NRXN3: variants seen among roughly 807,000 people sequenced by gnomAD.
NRXN3 encodes the protein neurexin III.
A neutral mutation model predicts 137.6 loss-of-function variants in NRXN3; 32 were observed. The ratio of observed to expected loss-of-function variants is 0.23; its 90% CI spans 0.18 to 0.31. NRXN3 has a LOEUF of 0.31. NRXN3 is among the 10% of genes least tolerant of loss of function. NRXN3 has a pLI of 1.00. For missense variants in NRXN3, 1,574 were observed against 2,062.5 expected, an observed-to-expected ratio of 0.76 and a Z score of 4.59; for synonymous variants, 798 against 784.5, an observed-to-expected ratio of 1.02 and a Z score of -0.29.
rs1015359416 is a variant in NRXN3, at chr14:78,826,632, A to G, written c.2275+16288A>G. ...TATTATCTGAATTTTACAGATAAAG[A>G]AACTACAATTACCAGAAACAAAGTT... On this transcript the variant is annotated intron_variant, in intron 10 of 20. Coordinates refer to ENST00000335750, the MANE Select transcript of NRXN3 (RefSeq NM_001330195.2). 4.6e-5 allele frequency among the ~76,000 whole-genome samples: 7 copies of G among 152,214 alleles called. 1 individual carries two copies. Among genetic ancestry groups the G allele is most frequent in the Non-Finnish European group, 1.5e-5 (1 of 68,032 alleles).
At chr14:78,305,770 T>G (rs192584570) in intron 4 of NRXN3, among the ~76,000 whole-genome samples, 9 of 152,324 alleles carry the variant, frequency 5.9e-5, no homozygotes, top group South Asian at 2.1e-4. Flanking sequence ...AGTATTACAT[T>G]TCCATCTCTT....
chr14:79,157,824 A>G (rs1423346438), intron 15 of NRXN3, among the ~76,000 whole-genome samples: 1 of 151,798 alleles, frequency 6.6e-6, no homozygotes, highest in African/African-American at 2.4e-5. Flanking sequence ...CTTATAACAA[A>G]AGACTTGAGA....
rs555268891 is a variant in NRXN3, at chr14:78,943,682, C to T, written c.2276-13560C>T. Among the ~76,000 whole-genome samples, 107 of 80,066 alleles carry T rather than the reference C, an allele frequency of 1.3e-3. 6 individuals are homozygous for T. Among genetic ancestry groups the T allele is most frequent in the African/African-American group, 4.1e-3 (98 of 23,696 alleles). 52.5% of individuals were successfully genotyped at this position (80,066 alleles called of 152,430 possible). On this transcript the variant is annotated intron_variant, in intron 10 of 20. Transcript: ENST00000335750. ...TATATATATATATATATATATATCT[C>T]AAAGAATCTAGAAAAAGGATAGGAA...
At chr14:79,428,943 T>C (rs2095700670) in intron 15 of NRXN3, among the ~76,000 whole-genome samples, 1 of 152,188 alleles carries the variant, frequency 6.6e-6, no homozygotes, top group Non-Finnish European at 1.5e-5. Flanking sequence ...AATTTTTACT[T>C]TTTATAGATT....
intron 15 of NRXN3, among the ~76,000 whole-genome samples, chr14:79,348,604 C>G (rs1231951393): frequency 6.6e-5 from 10 of 152,088 alleles, no homozygotes; most frequent in Admixed American, 6.5e-4. Context: ...GTCTGGATCT[C>G]CTGACCTCGT....
rs2099418498 is a variant in NRXN3, at chr14:79,867,439, C to G, written c.*5475C>G. ...TTCCTGGCTTGTAGATAATAAGCTA[C>G]CTTCTCACTATGTACTCACAGGGCC... is the stretch of plus-strand genomic sequence containing the variant. On this transcript the variant is annotated 3_prime_UTR_variant, in exon 21 of 21. Transcript: ENST00000335750. 1 of 152,224 alleles carries G rather than the reference C, an allele frequency of 6.6e-6. No individual in the cohort carries two copies. Among genetic ancestry groups the G allele is most frequent in the African/African-American group, 2.4e-5 (1 of 41,444 alleles). The allele number at this position is 152,224 out of a possible 1,614,324, so 9.4% of individuals were successfully genotyped here.
chr14:79,410,044 A>G (rs2095392066), intron 15 of NRXN3, among the ~76,000 whole-genome samples: 1 of 151,728 alleles, frequency 6.6e-6, no homozygotes, highest in Non-Finnish European at 1.5e-5. Context: ...GATTTCTCTC[A>G]GTTCTAGTTA....
chr14:78,746,009 T>G (rs1384776519), intron 8 of NRXN3, among the ~76,000 whole-genome samples: 3 of 152,230 alleles, frequency 2.0e-5, no homozygotes, highest in Non-Finnish European at 2.9e-5. Context: ...TTAACATGCA[T>G]AGTAAGAACT....
intron 19 of NRXN3, among the ~76,000 whole-genome samples, chr14:79,751,799 C>G (rs1048753343): frequency 6.6e-6 from 1 of 150,744 alleles, no homozygotes; most frequent in African/African-American, 2.4e-5. Context: ...TGAATTTTGT[C>G]AAAGGCCTTT....
intron 16 of NRXN3, among the ~76,000 whole-genome samples, chr14:79,548,687 G>A (rs1185300067): frequency 6.6e-6 from 1 of 150,744 alleles, no homozygotes; most frequent in Non-Finnish European, 1.5e-5. Context: ...GGCCTCTCAA[G>A]GCATCAACAT....
chr14:78,678,604 C>T (rs2098036841), intron 6 of NRXN3, among the ~76,000 whole-genome samples: 1 of 152,182 alleles, frequency 6.6e-6, no homozygotes, highest in South Asian at 2.1e-4. Context: ...ACACTCCCAC[C>T]AGCAGAATAT....
intron 16 of NRXN3, among the ~76,000 whole-genome samples, chr14:79,481,192 T>A (rs928069682): frequency 3.3e-5 from 5 of 152,146 alleles, no homozygotes; most frequent in African/African-American, 1.2e-4. Context: ...TTTGCAGAAT[T>A]TTGTGAAAAT....
intron 4 of NRXN3, among the ~76,000 whole-genome samples, chr14:78,475,844 T>C (rs2095368744): frequency 6.6e-6 from 1 of 152,208 alleles, no homozygotes; most frequent in Non-Finnish European, 1.5e-5. Flanking sequence ...CTGGCTTCAC[T>C]CAAGAATAAT....
At chr14:79,631,127 G>C (rs985117550) in intron 16 of NRXN3, among the ~76,000 whole-genome samples, 1 of 152,176 alleles carries the variant, frequency 6.6e-6, no homozygotes, top group Non-Finnish European at 1.5e-5. Flanking sequence ...GTTTCAGAAA[G>C]GGTTGTAAAG....
At chr14:79,741,003 T>A (rs2098961355) in intron 19 of NRXN3, among the ~76,000 whole-genome samples, 1 of 152,032 alleles carries the variant, frequency 6.6e-6, no homozygotes. Flanking sequence ...CAGTATCTTA[T>A]CTCTTAAAAT....
Position 79,861,384 on chromosome 14 carries a change from C to T in NRXN3, c.4136C>T (p.Ala1379Val). Reference protein sequence around the residue: ...STSIFEGGYKAHAPKWESKDF... With the variant: ...STSIFEGGYKVHAPKWESKDF... ...TCAATCTTCGAAGGTGGCTACAAAG[C>T]ACATGCGCCCAAGTGGGAATCCAAG... is the stretch of plus-strand genomic sequence containing the variant. The change falls in exon 21 of 21, where the codon GCA becomes GTA. Residue 1379 changes from alanine (A) to valine (V), a missense_variant. Ala to Val is a moderately conservative substitution (Grantham distance 64). Around this residue, in one of 5 missense-constraint regions of NRXN3, gnomAD observed 320 missense variants for 387.1 expected, o/e 0.83. Coordinates refer to ENST00000335750, the MANE Select transcript of NRXN3 (RefSeq NM_001330195.2). This position sits in a 1 kb window ranked among gnomAD's most constrained non-coding sequence, Gnocchi z 5.4. The T allele has an allele frequency of 4.6e-6, 7 of 1,536,212 alleles. No homozygotes were observed. Among genetic ancestry groups the T allele is most frequent in the Non-Finnish European group, 6.1e-6 (7 of 1,146,948 alleles).
intron 15 of NRXN3, among the ~76,000 whole-genome samples, chr14:79,189,509 C>T (rs2063984695): frequency 6.6e-6 from 1 of 151,684 alleles, no homozygotes; most frequent in Admixed American, 6.6e-5. Flanking sequence ...GCACATTGTG[C>T]ACATGTACCC....
intron 16 of NRXN3, among the ~76,000 whole-genome samples, chr14:79,472,168 G>A (rs1009514017): frequency 1.3e-5 from 2 of 152,146 alleles, no homozygotes; most frequent in Non-Finnish European, 2.9e-5. Flanking sequence ...CAAAGAACAT[G>A]ATTTCATTCT....
At chr14:79,675,607 G>A (rs1405241382) in intron 17 of NRXN3, among the ~76,000 whole-genome samples, 1 of 152,106 alleles carries the variant, frequency 6.6e-6, no homozygotes, top group African/African-American at 2.4e-5. Flanking sequence ...AATCCCTAGA[G>A]AGACAGAGAA....
Sources: allele counts gnomAD v4.1 joint callset (sites outside exome capture counted in the v4.1 genomes callset), GRCh38; gene constraint gnomAD v4.1.1; regional missense constraint gnomAD v4.1.1; non-coding constraint Gnocchi (gnomAD v3.1); transcripts MANE v1.5; gene names NCBI Gene and HGNC (gene_info 2026-07-23, HGNC 2026-07-21).